ABHD18: variants seen among roughly 807,000 people sequenced by gnomAD.
ABHD18 encodes cardiolipin-specific deacylase, mitochondrial.
A neutral mutation model predicts 65.9 loss-of-function variants in ABHD18; 55 were observed. The ratio of observed to expected loss-of-function variants is 0.84; its 90% CI spans 0.67 to 1.05. The LOEUF (loss-of-function observed/expected upper bound fraction) is 1.05. ABHD18 is among the 50% of genes least tolerant of loss of function. ABHD18 has a pLI of 0.00. For synonymous variants in ABHD18, 181 were observed against 180.2 expected, an observed-to-expected ratio of 1.00 and a Z score of -0.04; for missense variants, 533 against 558.5, an observed-to-expected ratio of 0.95 and a Z score of 0.46.
chr4:127,975,266 A>G (rs551982351), intron 1 of ABHD18, among the ~76,000 whole-genome samples: 1 of 152,282 alleles, frequency 6.6e-6, no homozygotes, highest in African/African-American at 2.4e-5. Context: ...TTCTTCTTGC[A>G]AAACTGAAAC....
At chr4:128,027,533 G>A (rs1294741224) in intron 10 of ABHD18, among the ~76,000 whole-genome samples, 1 of 152,048 alleles carries the variant, frequency 6.6e-6, no homozygotes, top group Non-Finnish European at 1.5e-5. Context: ...AGCCTCTCGA[G>A]TAGCTGGGAT....
At chr4:127,999,883 C>G (rs924676425) in intron 4 of ABHD18, among the ~76,000 whole-genome samples, 1 of 152,026 alleles carries the variant, frequency 6.6e-6, no homozygotes, top group Admixed American at 6.6e-5. Context: ...TTGCACGCTG[C>G]TGATAAAGAC....
intron 6 of ABHD18, 114 bp from the exon 7 acceptor site, chr4:128,011,559 T>C: frequency 1.6e-6 from 1 of 638,640 alleles, no homozygotes; most frequent in Non-Finnish European, 2.5e-6. Flanking sequence ...TTAAGATAAT[T>C]AGAATGGAGT....
At chr4:127,989,142 G>A (rs1750491960) in intron 3 of ABHD18, among the ~76,000 whole-genome samples, 1 of 152,198 alleles carries the variant, frequency 6.6e-6, no homozygotes, top group Non-Finnish European at 1.5e-5. Flanking sequence ...GGAACTGAAG[G>A]ACATCGCGTT....
chr4:128,012,671 T>A (rs1754770032), intron 7 of ABHD18, among the ~76,000 whole-genome samples: 1 of 152,114 alleles, frequency 6.6e-6, no homozygotes, highest in African/African-American at 2.4e-5. Flanking sequence ...AGGAGCCACC[T>A]GCATGAAGAC....
In ABHD18 at chr4:127,984,349, T is replaced by C; in HGVS notation, c.103T>C (p.Phe35Leu). ...RPEDLKRLFEFRKMIGNRERC... is the reference protein window; with the variant it reads ...RPEDLKRLFELRKMIGNRERC... ...TCTTTCCCATAATAGACTCTTTGAA[T>C]TCAGAAAGATGATTGGAAATCGGGA... The change falls in exon 3 of 13, where the codon TTC becomes CTC. Residue 35 changes from phenylalanine to leucine, a missense_variant. Around this residue, in one of 3 missense-constraint regions of ABHD18, gnomAD observed 309 missense variants for 313.5 expected, o/e 0.99. Transcript: ENST00000645843. The C allele has an allele frequency of 6.5e-7, 1 of 1,549,128 alleles. No homozygotes were observed. The highest frequency in any genetic ancestry group is 8.7e-7 in the Non-Finnish European group (1 of 1,144,808).
At chr4:128,018,710 A>G (rs925521048) in intron 8 of ABHD18, among the ~76,000 whole-genome samples, 12 of 151,998 alleles carry the variant, frequency 7.9e-5, no homozygotes, top group Admixed American at 1.3e-4. Context: ...TAAGCTCAAA[A>G]ACTTACTCAA....
At position 128,005,137 on chromosome 4, in the gene ABHD18, G is replaced by T. The variant is rs2149122739; in HGVS notation, c.279-3783G>T. Among the ~76,000 whole-genome samples, 3 of 152,340 alleles carry T rather than the reference G, an allele frequency of 2.0e-5. No individual in the cohort carries two copies. The South Asian group carries it at 6.2e-4, about 32-fold the overall frequency. ...CCAGCTACTTGGGAGGATGAGGCAGGAGAATCACTTGAACCTGGGAGGTGG... is the reference window on the plus strand; with the variant it reads ...CCAGCTACTTGGGAGGATGAGGCAGTAGAATCACTTGAACCTGGGAGGTGG... On this transcript the variant is annotated intron_variant, in intron 4 of 12. Coordinates refer to ENST00000645843, the MANE Select transcript of ABHD18 (RefSeq NM_001358451.3).
rs1005423807 is a variant in ABHD18 at position 127,989,792 on chromosome 4, T to C, written c.249T>C (p.Asp83=). 8 of 1,598,070 alleles carry C rather than the reference T, an allele frequency of 5.0e-6. No homozygotes were observed. The highest frequency in any genetic ancestry group is 3.5e-5 in the Admixed American group (2 of 57,636). ...CCCCCATGGCTCACTATGTGCCTGATATCATGCCAATTGAATCTGTTATTG... is the reference window on the plus strand; with the variant it reads ...CCCCCATGGCTCACTATGTGCCTGACATCATGCCAATTGAATCTGTTATTG... ...FVSPMAHYVP[D]IMPIESVIAR... Residue 83 remains aspartate, a synonymous_variant, in exon 4 of 13, where the codon GAT becomes GAC. Transcript: ENST00000645843.
At chr4:128,022,573 T>C (rs894281531) in intron 10 of ABHD18, among the ~76,000 whole-genome samples, 2 of 152,214 alleles carry the variant, frequency 1.3e-5, no homozygotes, top group African/African-American at 4.8e-5. Context: ...GTTGCTGATA[T>C]TCTATTATTT....
intron 4 of ABHD18, among the ~76,000 whole-genome samples, chr4:128,004,145 T>C (rs570432928): frequency 6.6e-6 from 1 of 152,238 alleles, no homozygotes; most frequent in East Asian, 1.9e-4. Flanking sequence ...TGCCTCTTTT[T>C]GTTTTTTTAG....
intron 6 of ABHD18, among the ~76,000 whole-genome samples, chr4:128,010,758 T>C (rs1754386032): frequency 6.6e-6 from 1 of 151,246 alleles, no homozygotes; most frequent in Non-Finnish European, 1.5e-5. Context: ...CTACTAAAAA[T>C]ACAAAAATTA....
At chr4:128,025,006 C>A (rs1386929826) in intron 10 of ABHD18, among the ~76,000 whole-genome samples, 1 of 151,540 alleles carries the variant, frequency 6.6e-6, no homozygotes, top group Non-Finnish European at 1.5e-5. Flanking sequence ...AATTTTAATT[C>A]TTTAACTTAA....
intron 6 of ABHD18, among the ~76,000 whole-genome samples, chr4:128,010,223 A>G (rs540040029): frequency 6.6e-6 from 1 of 152,350 alleles, no homozygotes; most frequent in Admixed American, 6.5e-5. Flanking sequence ...TATGACCAGT[A>G]TTTCTGATGT....
intron 12 of ABHD18, among the ~76,000 whole-genome samples, chr4:128,035,401 G>A (rs1008187892): frequency 2.6e-5 from 4 of 151,958 alleles, no homozygotes; most frequent in South Asian, 2.1e-4. Flanking sequence ...GTGATACCCC[G>A]TCTCTACTAA....
intron 4 of ABHD18, among the ~76,000 whole-genome samples, chr4:128,007,967 A>G (rs1387236162): frequency 6.6e-6 from 1 of 151,894 alleles, no homozygotes; most frequent in Non-Finnish European, 1.5e-5. Flanking sequence ...CTATATCTAA[A>G]GAGTTATTTC....
chr4:127,970,067 G>A (rs899400936), intron 1 of ABHD18, among the ~76,000 whole-genome samples: 7 of 151,176 alleles, frequency 4.6e-5, no homozygotes, highest in African/African-American at 1.5e-4. Flanking sequence ...TTTTTTTTAA[G>A]AGACGAGGTC....
intron 6 of ABHD18, among the ~76,000 whole-genome samples, chr4:128,010,284 C>A (rs1375289984): frequency 2.6e-5 from 4 of 152,082 alleles, no homozygotes; most frequent in Non-Finnish European, 1.5e-5. Context: ...AATCCCAGGA[C>A]TTTGGGAGGC....
At position 128,035,909 on chromosome 4, in the gene ABHD18, A is replaced by G. The variant is rs1560953871; in HGVS notation, c.*96A>G. 3 of 636,090 alleles carry G rather than the reference A, an allele frequency of 4.7e-6. No individual in the cohort carries two copies. The highest frequency in any genetic ancestry group is 7.8e-6 in the Non-Finnish European group (3 of 383,854). 39.4% of individuals were successfully genotyped at this position (636,090 alleles called of 1,614,324 possible). ...TGAAGGACAAGCAGACAGCACTAAT[A>G]TATCTAATCGCTATCAATTTGGTCT... On this transcript the variant is annotated 3_prime_UTR_variant, in exon 13 of 13. Coordinates refer to ENST00000645843, the MANE Select transcript of ABHD18 (RefSeq NM_001358451.3).
Sources: allele counts gnomAD v4.1 joint callset (sites outside exome capture counted in the v4.1 genomes callset), GRCh38; gene constraint gnomAD v4.1.1; regional missense constraint gnomAD v4.1.1; transcripts MANE v1.5; gene names NCBI Gene and HGNC (gene_info 2026-07-23, HGNC 2026-07-21).